The following CIDEA variants were observed in gnomAD, a reference collection of about 807,000 sequenced individuals.
The protein encoded by CIDEA is lipid transferase CIDEA.
CIDEA carries 10 observed loss-of-function variants against 18.2 expected under a neutral mutation model. The ratio of observed to expected loss-of-function variants is 0.55; its 90% CI spans 0.34 to 0.93. CIDEA has a LOEUF of 0.93. Among genes scored for constraint, CIDEA ranks in the 40% least tolerant of loss-of-function variants. The probability of loss-of-function intolerance (pLI) is 0.02; values close to 1 mark genes in which losing one functional copy is unlikely to be tolerated. For missense variants in CIDEA, 309 were observed against 293.1 expected, an observed-to-expected ratio of 1.05 and a Z score of -0.40; for synonymous variants, 128 against 124.8, an observed-to-expected ratio of 1.03 and a Z score of -0.17.
chr18:12,262,191 T>A (rs1912212749), intron 1 of CIDEA, among the ~76,000 whole-genome samples: 1 of 151,976 alleles, frequency 6.6e-6, no homozygotes, highest in South Asian at 2.1e-4. Flanking sequence ...AAAAGTAAAT[T>A]TTTGAATTAA....
intron 4 of CIDEA, 22 bp downstream of exon 4, chr18:12,274,296 C>T (rs1349791936): frequency 3.7e-6 from 6 of 1,612,026 alleles, no homozygotes; most frequent in Non-Finnish European, 5.1e-6. Context: ...CAGGGGTCAC[C>T]TCCGGGGGTC....
intron 4 of CIDEA, among the ~76,000 whole-genome samples, chr18:12,276,822 G>C (rs567416772): frequency 9.8e-5 from 15 of 152,340 alleles, no homozygotes; most frequent in African/African-American, 3.6e-4. Flanking sequence ...CACTCAACAA[G>C]CAGGCCGCAC....
chr18:12,254,816 G>T (rs1387398997), intron 1 of CIDEA: 3 of 1,344,574 alleles, frequency 2.2e-6, no homozygotes, highest in Non-Finnish European at 3.0e-6. Context: ...AAGCTTCCGC[G>T]ATGCGAGGGG....
At chr18:12,270,084 T>C (rs914726495) in intron 3 of CIDEA, among the ~76,000 whole-genome samples, 1 of 152,154 alleles carries the variant, frequency 6.6e-6, no homozygotes, top group African/African-American at 2.4e-5. Flanking sequence ...CATCAAATCA[T>C]TTACAGATAA....
intron 3 of CIDEA, among the ~76,000 whole-genome samples, chr18:12,270,864 TTTG>T (rs1217263310): frequency 1.3e-5 from 2 of 150,312 alleles, no homozygotes; most frequent in Non-Finnish European, 3.0e-5. Context: ...GACACCTCTG[TTTG>T]TTTTCTTTTC....
At chr18:12,263,364 G>C (rs1912253372) in intron 2 of CIDEA, among the ~76,000 whole-genome samples, 1 of 152,164 alleles carries the variant, frequency 6.6e-6, no homozygotes, top group African/African-American at 2.4e-5. Flanking sequence ...TGGATCATAT[G>C]ATATGTGAAT....
At chr18:12,268,230 A>AT (rs1285349657) in intron 3 of CIDEA, among the ~76,000 whole-genome samples, 7,642 of 113,534 alleles carry the variant, frequency 0.067, 450 homozygotes, top group African/African-American at 0.11. Context: ...ATGCCCGGCC[A>AT]TTTTTTTTTT....
chr18:12,274,031 G>A, intron 3 of CIDEA, 62 bp from the exon 4 acceptor site: 1 of 1,565,216 alleles, frequency 6.4e-7, no homozygotes, highest in Non-Finnish European at 8.7e-7. Flanking sequence ...CATAAGAGCA[G>A]AGTGATGACG....
At chr18:12,269,988 G>A (rs974281559) in intron 3 of CIDEA, among the ~76,000 whole-genome samples, 11 of 152,148 alleles carry the variant, frequency 7.2e-5, no homozygotes, top group East Asian at 3.9e-4. Flanking sequence ...ATAAGCCACC[G>A]TGCTTGGCCT....
chr18:12,254,929 G>A (rs147375150), intron 1 of CIDEA: 1 of 1,238,300 alleles, frequency 8.1e-7, no homozygotes, highest in South Asian at 1.4e-5. Flanking sequence ...CCGAGGGGAG[G>A]CCCCAACCGT....
intron 3 of CIDEA, among the ~76,000 whole-genome samples, chr18:12,272,462 C>T (rs1912578018): frequency 6.6e-6 from 1 of 152,170 alleles, no homozygotes. Context: ...ATCTGCTCGT[C>T]TCGGCCTCCC....
chr18:12,275,998 T>C (rs866735971), intron 4 of CIDEA, among the ~76,000 whole-genome samples: 6 of 144,790 alleles, frequency 4.1e-5, no homozygotes, highest in East Asian at 4.0e-4. Context: ...CTTTTCTTAT[T>C]TTTTTTCTTT....
chr18:12,258,788 T>C (rs538724670), intron 1 of CIDEA, among the ~76,000 whole-genome samples: 101 of 152,350 alleles, frequency 6.6e-4, no homozygotes, highest in Admixed American at 1.3e-3. Context: ...GGCAAGGCGC[T>C]AGCTCTCACA....
chr18:12,264,526 G>GGT, intron 3 of CIDEA, 73 bp downstream of exon 3: 4 of 1,129,676 alleles, frequency 3.5e-6, no homozygotes, highest in Non-Finnish European at 3.8e-6. Flanking sequence ...GCCCTACTTG[G>GGT]GTGTTGACTT....
intron 3 of CIDEA, among the ~76,000 whole-genome samples, chr18:12,269,100 G>C (rs1308897312): frequency 6.6e-6 from 1 of 152,158 alleles, no homozygotes; most frequent in African/African-American, 2.4e-5. Flanking sequence ...TTGCAGGCAC[G>C]AGCCACCACG....
At chr18:12,256,165 G>A (rs1912027895) in intron 1 of CIDEA, among the ~76,000 whole-genome samples, 1 of 152,284 alleles carries the variant, frequency 6.6e-6, no homozygotes, top group East Asian at 1.9e-4. Flanking sequence ...CTTGTTGAAG[G>A]GAAAACACCT....
chr18:12,254,745 T>C (rs770055880), intron 1 of CIDEA: 2 of 1,432,210 alleles, frequency 1.4e-6, no homozygotes, highest in South Asian at 1.2e-5. Context: ...GCTGCATGCA[T>C]CTCTGGCCGC....
At chr18:12,260,179 GT>G (rs1359374309) in intron 1 of CIDEA, among the ~76,000 whole-genome samples, 4 of 210 alleles carry the variant, frequency 0.019, no homozygotes, top group Non-Finnish European at 0.042. Context: ...TCTGTTTTTT[GT>G]TTGTTTGTTT....
chr18:12,270,832 A>G (rs1461559552), intron 3 of CIDEA, among the ~76,000 whole-genome samples: 1 of 151,400 alleles, frequency 6.6e-6, no homozygotes, highest in African/African-American at 2.4e-5. Flanking sequence ...TAACAGCAAA[A>G]ATAATGCCCC....
Sources: allele counts gnomAD v4.1 joint callset (sites outside exome capture counted in the v4.1 genomes callset), GRCh38; gene constraint gnomAD v4.1.1; transcripts MANE v1.5; gene names NCBI Gene and HGNC (gene_info 2026-07-23, HGNC 2026-07-21).